NAA20: variants seen among roughly 807,000 people sequenced by gnomAD.
NAA20 encodes N-alpha-acetyltransferase 20, NatB catalytic subunit.
A neutral mutation model predicts 23.8 loss-of-function variants in NAA20; 24 were observed. The observed-to-expected ratio is 1.01, with a 90% CI of 0.73 to 1.42. The LOEUF is 1.42. Ranked by LOEUF, NAA20 falls within the 40% of genes most tolerant of loss-of-function variation. NAA20 has a pLI of 0.00. For synonymous variants in NAA20, 83 were observed against 77.7 expected (o/e 1.07, Z -0.36); for missense variants, 166 against 223.1 (o/e 0.74, Z 1.63).
intron 2 of NAA20, among the ~76,000 whole-genome samples, chr20:20,025,403 G>T (rs2043300345): frequency 1.3e-5 from 2 of 152,198 alleles, no homozygotes; most frequent in Admixed American, 6.5e-5. Context: ...GGTCAGTAGG[G>T]AAGTAGACTG....
chr20:20,028,250 T>C (rs1313130773), intron 4 of NAA20, among the ~76,000 whole-genome samples: 2 of 152,114 alleles, frequency 1.3e-5, no homozygotes, highest in Non-Finnish European at 2.9e-5. Context: ...TTGGCATTAT[T>C]GTATAGTGAA....
intron 4 of NAA20, among the ~76,000 whole-genome samples, chr20:20,030,840 A>G (rs1311163069): frequency 6.6e-6 from 1 of 152,082 alleles, no homozygotes; most frequent in Non-Finnish European, 1.5e-5. Context: ...AGTCAGTATA[A>G]AAATCAATTG....
chr20:20,028,588 CTCTTCCCTTCCAGTT>C (rs767072201), intron 4 of NAA20, among the ~76,000 whole-genome samples: 5 of 152,184 alleles, frequency 3.3e-5, no homozygotes, highest in Non-Finnish European at 5.9e-5. Flanking sequence ...CCACTAAGCT[CTCTTCCCTTCCAGTT>C]TCTAAGCCTT....
At chr20:20,018,313 A>T in intron 1 of NAA20, 1 of 535,472 alleles carries the variant, frequency 1.9e-6, no homozygotes, top group Non-Finnish European at 3.3e-6. Flanking sequence ...TGGATTCTGC[A>T]GTTAACATTT....
At chr20:20,021,702 ATTGT>A (rs2043269689) in intron 1 of NAA20, among the ~76,000 whole-genome samples, 2 of 152,236 alleles carry the variant, frequency 1.3e-5, no homozygotes, top group Admixed American at 1.3e-4. Context: ...TATGACTAGC[ATTGT>A]TATGGGTCTC....
At chr20:20,021,553 G>T (rs372884037) in intron 1 of NAA20, among the ~76,000 whole-genome samples, 10 of 152,100 alleles carry the variant, frequency 6.6e-5, no homozygotes, top group Non-Finnish European at 1.2e-4. Context: ...TATTATTTTT[G>T]AGTGAATATT....
At chr20:20,028,507 C>A (rs6046552) in intron 4 of NAA20, among the ~76,000 whole-genome samples, 1,748 of 152,114 alleles carry the variant, frequency 0.011, 24 homozygotes, top group African/African-American at 0.04. Context: ...AAAAGCAGGT[C>A]GTAACTAGCT....
chr20:20,025,603 CTTT>C, intron 2 of NAA20, 71 bp from the exon 3 acceptor site: 1 of 1,143,214 alleles, frequency 8.7e-7, no homozygotes, highest in Middle Eastern at 2.1e-4. Flanking sequence ...TTAAAGGAAA[CTTT>C]TTTTACAATA....
rs1376175085 is a variant in NAA20, at chr20:20,018,343, CT to C, written c.53+896del. On this transcript the variant is annotated intron_variant, in intron 1 of 5. Transcript: ENST00000334982. ...ACATTTTGCTACGCTGGTATCTCTC[CT>C]TCCTTCCCATCTATCAGTCCTGGAT... 1.1e-4 allele frequency: 52 copies of C among 469,220 alleles called. 1 individual carries two copies. Among genetic ancestry groups the C allele is most frequent in the Non-Finnish European group, 1.9e-4 (50 of 257,408 alleles). 29.1% of individuals were successfully genotyped at this position (469,220 alleles called of 1,614,324 possible). A position where few individuals can be genotyped will look rare whatever the true frequency, so the allele number is the denominator to read the frequency against.
At chr20:20,019,016 C>T in intron 1 of NAA20, 1 of 798,758 alleles carries the variant, frequency 1.3e-6, no homozygotes, top group Non-Finnish European at 1.5e-6. Context: ...TCTTAACCCA[C>T]CTGGAGCCTC....
chr20:20,022,805 G>A (rs571652462), intron 2 of NAA20: 2 of 258,682 alleles, frequency 7.7e-6, no homozygotes, highest in African/African-American at 2.2e-5. Flanking sequence ...AGTCTCCAGT[G>A]TGAACAAAGT....
At chr20:20,018,148 C>A (rs1030992047) in intron 1 of NAA20, 21 of 1,514,054 alleles carry the variant, frequency 1.4e-5, no homozygotes, top group African/African-American at 2.7e-5. Context: ...GTGCCCAGAG[C>A]CCTGGATGCA....
chr20:20,019,165 G>T (rs2043251642), intron 1 of NAA20, among the ~76,000 whole-genome samples: 2 of 152,228 alleles, frequency 1.3e-5, no homozygotes, highest in Admixed American at 1.3e-4. Context: ...GTGGATCTAG[G>T]ATTGATAGGT....
Position 20,033,020 on chromosome 20 carries a change from C to G in NAA20, c.452-82C>G, listed in dbSNP as rs567596629. ...TGAAGTGGGGGTAGGGATAAAACCTCTTATGGGAACTTTACCTATACACTT... is the reference window on the plus strand; with the variant it reads ...TGAAGTGGGGGTAGGGATAAAACCTGTTATGGGAACTTTACCTATACACTT... On this transcript the variant is annotated intron_variant, in intron 5 of 5. Transcript: ENST00000334982. 15 of 1,122,514 alleles carry G rather than the reference C, an allele frequency of 1.3e-5. No individual in the cohort carries two copies. In the African/African-American group the frequency reaches 2.2e-4, roughly 16 times the overall value. The allele number at this position is 1,122,514 out of a possible 1,614,324, so 69.5% of individuals were successfully genotyped here.
chr20:20,031,014 TCACTGG>T (rs1165235255), intron 4 of NAA20, among the ~76,000 whole-genome samples: 1 of 152,200 alleles, frequency 6.6e-6, no homozygotes, highest in Non-Finnish European at 1.5e-5. Flanking sequence ...CGATAAACTA[TCACTGG>T]ATTAGAGGAT....
intron 4 of NAA20, among the ~76,000 whole-genome samples, chr20:20,027,646 G>A (rs2043314859): frequency 6.6e-6 from 1 of 152,086 alleles, no homozygotes; most frequent in Admixed American, 6.6e-5. Context: ...TGACATGTAA[G>A]GTTTTGCTGT....
At chr20:20,021,709 TGGG>T (rs2043269804) in intron 1 of NAA20, among the ~76,000 whole-genome samples, 2 of 152,216 alleles carry the variant, frequency 1.3e-5, no homozygotes, top group Admixed American at 1.3e-4. Flanking sequence ...AGCATTGTTA[TGGG>T]TCTCAAAGGA....
intron 4 of NAA20, among the ~76,000 whole-genome samples, chr20:20,027,634 T>C (rs1276091879): frequency 6.6e-6 from 1 of 152,224 alleles, no homozygotes; most frequent in Non-Finnish European, 1.5e-5. Flanking sequence ...TTTGCCAATA[T>C]CTGACATGTA....
Position 20,033,093 on chromosome 20 carries a change from T to G in NAA20, c.452-9T>G, listed in dbSNP as rs1342287306. 38 of 1,603,728 alleles carry G rather than the reference T, an allele frequency of 2.4e-5. No individual in the cohort carries two copies. Among genetic ancestry groups the G allele is most frequent in the Non-Finnish European group, 3.2e-5 (37 of 1,170,910 alleles). On this transcript the variant is annotated splice_polypyrimidine_tract_variant and intron_variant, in intron 5 of 5. Transcript: ENST00000334982. ...TTGGGTGTTTATATTAAACTTTGCTTCTTTACAGATATGAGGAAAGCACTT... is the reference window on the plus strand; with the variant it reads ...TTGGGTGTTTATATTAAACTTTGCTGCTTTACAGATATGAGGAAAGCACTT...
Sources: allele counts gnomAD v4.1 joint callset (sites outside exome capture counted in the v4.1 genomes callset), GRCh38; gene constraint gnomAD v4.1.1; transcripts MANE v1.5; gene names NCBI Gene and HGNC (gene_info 2026-07-23, HGNC 2026-07-21).